The following PTPRD variants were observed in gnomAD, a reference collection of about 807,000 sequenced individuals.
PTPRD encodes the protein receptor-type tyrosine-protein phosphatase delta.
PTPRD carries 34 observed loss-of-function variants against 214.5 expected under a neutral mutation model. That is an observed-to-expected ratio of 0.16 (90% confidence interval 0.12 to 0.21). The LOEUF is 0.21. Among genes scored for constraint, PTPRD ranks in the 10% least tolerant of loss-of-function variants. The probability of loss-of-function intolerance (pLI) is 1.00; values close to 1 mark genes in which losing one functional copy is unlikely to be tolerated. For synonymous variants in PTPRD, 1,128 were observed against 845.7 expected (o/e 1.33, Z -5.79); for missense variants, 2,545 against 2,398.7 (o/e 1.06, Z -1.27).
chr9:8,981,562 G>A (rs1295986641), intron 11 of PTPRD, among the ~76,000 whole-genome samples: 2 of 151,914 alleles, frequency 1.3e-5, no homozygotes, highest in African/African-American at 2.4e-5. Flanking sequence ...TGAAAGTGGT[G>A]CAACTGTATG....
At chr9:9,350,118 C>T (rs1261266308) in intron 9 of PTPRD, among the ~76,000 whole-genome samples, 5 of 151,972 alleles carry the variant, frequency 3.3e-5, no homozygotes, top group Non-Finnish European at 7.4e-5. Flanking sequence ...TGTAGAACAC[C>T]CAAGTCTTCC....
intron 9 of PTPRD, among the ~76,000 whole-genome samples, chr9:9,251,152 T>C (rs10977616): frequency 6.6e-6 from 1 of 151,836 alleles, no homozygotes; most frequent in African/African-American, 2.4e-5. Context: ...CAGAGATACA[T>C]AAAAATCTAG....
At chr9:9,325,926 C>T (rs538714328) in intron 9 of PTPRD, among the ~76,000 whole-genome samples, 119 of 152,148 alleles carry the variant, frequency 7.8e-4, no homozygotes, top group Middle Eastern at 6.8e-3. Flanking sequence ...TTGTCAAAGG[C>T]CTTTTCTGCT....
At chr9:10,421,519 G>A (rs1397140575) in intron 2 of PTPRD, among the ~76,000 whole-genome samples, 1 of 151,752 alleles carries the variant, frequency 6.6e-6, no homozygotes, top group Non-Finnish European at 1.5e-5. Context: ...CATTTTTACT[G>A]AGCCAGTTTA....
chr9:10,511,312 G>C (rs1002547419), intron 2 of PTPRD, among the ~76,000 whole-genome samples: 1 of 152,102 alleles, frequency 6.6e-6, no homozygotes, highest in Non-Finnish European at 1.5e-5. Context: ...TCAGAAGATA[G>C]GTGTATCTTT....
chr9:10,435,165 A>T (rs1363729102), intron 2 of PTPRD, among the ~76,000 whole-genome samples: 2 of 151,874 alleles, frequency 1.3e-5, no homozygotes, highest in Non-Finnish European at 1.5e-5. Context: ...TATTTGAGCA[A>T]AGTTCAAAAG....
chr9:9,812,887 T>A (rs1320416099), intron 5 of PTPRD, among the ~76,000 whole-genome samples: 1 of 152,078 alleles, frequency 6.6e-6, no homozygotes, highest in African/African-American at 2.4e-5. Context: ...AGACTGTAAA[T>A]CTGAGCAAAT....
chr9:9,040,247 G>C (rs2099635391), intron 10 of PTPRD, among the ~76,000 whole-genome samples: 1 of 152,148 alleles, frequency 6.6e-6, no homozygotes, highest in Admixed American at 6.6e-5. Context: ...ATCAGGATTT[G>C]AAAGCAGGTG....
chr9:8,990,213 A>C (rs973528922), intron 11 of PTPRD, among the ~76,000 whole-genome samples: 4 of 152,174 alleles, frequency 2.6e-5, no homozygotes, highest in African/African-American at 9.6e-5. Context: ...CTGGACTTAA[A>C]GATCTACTGA....
intron 9 of PTPRD, among the ~76,000 whole-genome samples, chr9:9,291,334 G>T (rs1337245447): frequency 6.6e-6 from 1 of 151,416 alleles, no homozygotes; most frequent in East Asian, 1.9e-4. Context: ...AAATTTGAGA[G>T]ACTGCTTTCT....
intron 8 of PTPRD, among the ~76,000 whole-genome samples, chr9:9,409,673 A>G (rs556158600): frequency 1.6e-4 from 25 of 152,210 alleles, no homozygotes; most frequent in African/African-American, 5.8e-4. Context: ...AGTAACTACA[A>G]TAAGCTGAAA....
intron 8 of PTPRD, among the ~76,000 whole-genome samples, chr9:9,425,253 C>G (rs1400007152): frequency 6.6e-6 from 1 of 151,890 alleles, no homozygotes; most frequent in East Asian, 1.9e-4. Context: ...AGAGACATAC[C>G]AAATATGCTG....
At chr9:10,529,224 T>A (rs1293241158) in intron 2 of PTPRD, among the ~76,000 whole-genome samples, 3 of 152,154 alleles carry the variant, frequency 2.0e-5, no homozygotes, top group Non-Finnish European at 2.9e-5. Flanking sequence ...ACTGGGTATA[T>A]ACCCAAAGGA....
At chr9:9,778,290 C>A (rs777458268) in intron 5 of PTPRD, among the ~76,000 whole-genome samples, 1 of 152,064 alleles carries the variant, frequency 6.6e-6, no homozygotes, top group African/African-American at 2.4e-5. Context: ...AGGGATAACT[C>A]ACTCTCTCTG....
intron 9 of PTPRD, among the ~76,000 whole-genome samples, chr9:9,350,273 G>A (rs1028380761): frequency 6.6e-6 from 1 of 152,064 alleles, no homozygotes; most frequent in African/African-American, 2.4e-5. Flanking sequence ...TATACAATTA[G>A]AAAGCTCAGA....
intron 3 of PTPRD, among the ~76,000 whole-genome samples, chr9:10,036,731 G>A (rs1219278836): frequency 3.3e-5 from 5 of 151,604 alleles, no homozygotes; most frequent in Admixed American, 6.6e-5. Flanking sequence ...TTACAGGCAC[G>A]TGCCACCACA....
intron 7 of PTPRD, among the ~76,000 whole-genome samples, chr9:9,667,574 A>C (rs1193120092): frequency 6.6e-6 from 1 of 152,150 alleles, no homozygotes; most frequent in Non-Finnish European, 1.5e-5. Flanking sequence ...CTCTAACCCT[A>C]AAAGTGAATT....
chr9:8,591,173 T>C (rs1257245926), intron 14 of PTPRD, among the ~76,000 whole-genome samples: 1 of 152,174 alleles, frequency 6.6e-6, no homozygotes, highest in Admixed American at 6.5e-5. Context: ...ATAATCTCCC[T>C]CACTTAAGGA....
Position 8,507,350 on chromosome 9 carries a change from G to A in PTPRD, c.1628C>T (p.Thr543Ile), listed in dbSNP as rs1203991786. The change falls in exon 22 of 46, where the codon ACC becomes ATC. Residue 543 changes from threonine (T) to isoleucine (I), a missense_variant. Coordinates refer to ENST00000381196, the MANE Select transcript of PTPRD (RefSeq NM_002839.4). ...LLSWTPPRSD[T>I]IANYELVYKD... ...GTAGACCAGTTCATAGTTGGCAATG[G>A]TATCTGAACGTGGAGGTGTCCAAGA... 6 of 1,613,878 alleles carry A rather than the reference G, an allele frequency of 3.7e-6. No homozygotes were observed. The African/African-American group carries it at 6.7e-5, about 18-fold the overall frequency.
Sources: allele counts gnomAD v4.1 joint callset (sites outside exome capture counted in the v4.1 genomes callset), GRCh38; gene constraint gnomAD v4.1.1; transcripts MANE v1.5; gene names NCBI Gene and HGNC (gene_info 2026-07-23, HGNC 2026-07-21).